Variants in CPEB3 observed in about 807,000 individuals in gnomAD.
The protein encoded by CPEB3 is cytoplasmic polyadenylation element binding protein 3.
CPEB3 carries 20 observed loss-of-function variants against 67.2 expected under a neutral mutation model. The ratio of observed to expected loss-of-function variants is 0.30; its 90% CI spans 0.21 to 0.43. The LOEUF (loss-of-function observed/expected upper bound fraction) is 0.43, where lower values mean the gene tolerates loss of function less well. CPEB3 is among the 20% of genes least tolerant of loss of function. CPEB3 has a pLI of 1.00. For synonymous variants in CPEB3, 376 were observed against 393.1 expected, an observed-to-expected ratio of 0.96 and a Z score of 0.51; for missense variants, 746 against 968.6, an observed-to-expected ratio of 0.77 and a Z score of 3.05.
chr10:92,099,231 T>C (rs1052141143), intron 7 of CPEB3, among the ~76,000 whole-genome samples: 3 of 151,792 alleles, frequency 2.0e-5, no homozygotes, highest in African/African-American at 7.3e-5. Flanking sequence ...GTCTTTTTTT[T>C]TTTTTTTGAG....
chr10:92,127,540 G>A (rs1383267715), intron 6 of CPEB3, among the ~76,000 whole-genome samples: 4 of 152,112 alleles, frequency 2.6e-5, no homozygotes, highest in Non-Finnish European at 5.9e-5. Context: ...TCAGCCAGGT[G>A]TGGTAGCACA....
intron 2 of CPEB3, among the ~76,000 whole-genome samples, chr10:92,207,891 AC>A (rs1184767807): frequency 6.6e-6 from 1 of 152,224 alleles, no homozygotes; most frequent in Non-Finnish European, 1.5e-5. Flanking sequence ...CAACAAAAAA[AC>A]ATGTTAAGTG....
At chr10:92,273,753 T>C (rs1853402518) in intron 1 of CPEB3, among the ~76,000 whole-genome samples, 2 of 152,200 alleles carry the variant, frequency 1.3e-5, no homozygotes, top group African/African-American at 4.8e-5. Flanking sequence ...GAAAGGCCTC[T>C]GTTTCCTCAT....
chr10:92,081,186 A>T, intron 9 of CPEB3, 134 bp downstream of exon 9: 1 of 902,880 alleles, frequency 1.1e-6, no homozygotes. Context: ...CAGGCAGCCT[A>T]GATGAATTCA....
At chr10:92,067,548 G>A (rs1165801213) in intron 9 of CPEB3, among the ~76,000 whole-genome samples, 1 of 151,918 alleles carries the variant, frequency 6.6e-6, no homozygotes, top group Non-Finnish European at 1.5e-5. Flanking sequence ...GCTGGGCGCA[G>A]TGGCGCATGC....
At chr10:92,274,156 C>T (rs993260386) in intron 1 of CPEB3, among the ~76,000 whole-genome samples, 22 of 152,292 alleles carry the variant, frequency 1.4e-4, no homozygotes, top group African/African-American at 5.1e-4. Flanking sequence ...AAATGAAAGA[C>T]ATATCCACCA....
At chr10:92,253,480 A>AG (rs1390254160) in intron 1 of CPEB3, among the ~76,000 whole-genome samples, 1,621 of 150,156 alleles carry the variant, frequency 0.011, 20 homozygotes, top group African/African-American at 0.037. Context: ...AAAAAAAAAA[A>AG]AAAAGAAAAG....
At chr10:92,104,623 A>G (rs536265092) in intron 7 of CPEB3, among the ~76,000 whole-genome samples, 1 of 152,090 alleles carries the variant, frequency 6.6e-6, no homozygotes, top group Non-Finnish European at 1.5e-5. Flanking sequence ...TCCTGACCTC[A>G]TAATCCGCCC....
At chr10:92,216,389 G>A (rs1024511534) in intron 2 of CPEB3, 19 of 1,611,524 alleles carry the variant, frequency 1.2e-5, no homozygotes, top group Admixed American at 5.0e-5. Flanking sequence ...GGTGTGTTCC[G>A]GGGAGCGCAC....
Position 92,056,863 on chromosome 10 carries a change from G to A in CPEB3, c.1870-4424C>T, listed in dbSNP as rs962873374. ...GAGAAGAAAAAGTGGGAAGAGCTTC[G>A]TCTTGCATCTTGGATACCAGCTCAG... On this transcript the variant is annotated intron_variant, in intron 9 of 9. Transcript: ENST00000265997. 6.4e-4 allele frequency among the ~76,000 whole-genome samples: 98 copies of A among 152,218 alleles called. 1 individual carries two copies. The highest frequency in any genetic ancestry group is 1.9e-3 in the African/African-American group (77 of 41,452).
intron 4 of CPEB3, among the ~76,000 whole-genome samples, chr10:92,148,679 T>G (rs1456168674): frequency 6.6e-6 from 1 of 152,094 alleles, no homozygotes; most frequent in Non-Finnish European, 1.5e-5. Flanking sequence ...ATGTTAAATG[T>G]GAGGCAGCAT....
At chr10:92,107,848 G>A (rs1407660942) in intron 7 of CPEB3, among the ~76,000 whole-genome samples, 1 of 152,116 alleles carries the variant, frequency 6.6e-6, no homozygotes, top group African/African-American at 2.4e-5. Context: ...AATCTTTCAG[G>A]ACCAGACCTA....
At chr10:92,098,865 G>A (rs1229221713) in intron 7 of CPEB3, among the ~76,000 whole-genome samples, 1 of 145,978 alleles carries the variant, frequency 6.9e-6, no homozygotes, top group African/African-American at 2.6e-5. Flanking sequence ...TCCATCTCCC[G>A]GGTTCAAGCA....
chr10:92,104,470 C>T (rs888723134), intron 7 of CPEB3, among the ~76,000 whole-genome samples: 5 of 151,088 alleles, frequency 3.3e-5, no homozygotes, highest in East Asian at 1.9e-4. Flanking sequence ...CACTGCAAGC[C>T]CCACCTCCCA....
At chr10:92,105,715 G>GTTTTTTTT (rs999673116) in intron 7 of CPEB3, among the ~76,000 whole-genome samples, 1 of 109,728 alleles carries the variant, frequency 9.1e-6, no homozygotes, top group African/African-American at 3.7e-5. Flanking sequence ...TGTTTTGTGG[G>GTTTTTTTT]TTTTTTTTTT....
chr10:92,147,104 C>G (rs897794330), intron 4 of CPEB3, among the ~76,000 whole-genome samples: 1 of 152,082 alleles, frequency 6.6e-6, no homozygotes, highest in African/African-American at 2.4e-5. Flanking sequence ...GAAAATAATG[C>G]GTACGTTATG....
intron 2 of CPEB3, 86 bp from the exon 3 acceptor site, chr10:92,192,722 T>G: frequency 3.0e-6 from 3 of 996,528 alleles, no homozygotes; most frequent in Non-Finnish European, 4.3e-6. Flanking sequence ...TGTGGATTGA[T>G]GACATGAATG....
intron 1 of CPEB3, among the ~76,000 whole-genome samples, chr10:92,242,311 C>T (rs530826046): frequency 1.7e-4 from 26 of 152,288 alleles, no homozygotes; most frequent in Non-Finnish European, 3.8e-4. Context: ...CGGCTACTAC[C>T]AATAAAATCT....
chr10:92,087,672 ACT>A (rs1017559252), intron 8 of CPEB3, among the ~76,000 whole-genome samples: 7 of 152,064 alleles, frequency 4.6e-5, no homozygotes, highest in Non-Finnish European at 8.8e-5. Context: ...CACATACCTC[ACT>A]CTCTACTTTT....
Sources: gnomAD v4.1 joint callset for allele counts (sites outside exome capture counted in the v4.1 genomes callset) on GRCh38, gnomAD v4.1.1 for gene constraint, MANE v1.5 for transcripts, NCBI Gene and HGNC (gene_info 2026-07-23, HGNC 2026-07-21) for gene names.